PCDH15: variants seen among roughly 807,000 people sequenced by gnomAD.
PCDH15 encodes protocadherin related 15, also known as protocadherin-15.
Under a neutral mutation model 178.5 loss-of-function variants are expected in PCDH15, and 129 were observed. The ratio of observed to expected loss-of-function variants is 0.72; its 90% CI spans 0.63 to 0.84. The LOEUF (loss-of-function observed/expected upper bound fraction) is 0.84, where lower values mean the gene tolerates loss of function less well. PCDH15 is among the 40% of genes least tolerant of loss of function. The probability of loss-of-function intolerance (pLI) is 0.00; values close to 1 mark genes in which losing one functional copy is unlikely to be tolerated. For missense variants in PCDH15, 2,230 were observed against 2,099.9 expected, an observed-to-expected ratio of 1.06 and a Z score of -1.21; for synonymous variants, 800 against 732.0, an observed-to-expected ratio of 1.09 and a Z score of -1.50.
chr10:55,072,487 A>G (rs949024585), intron 2 of PCDH15, among the ~76,000 whole-genome samples: 4 of 152,212 alleles, frequency 2.6e-5, no homozygotes, highest in African/African-American at 9.6e-5. Context: ...CAAATAAACT[A>G]GAAAATCTAG....
chr10:54,762,764 C>G (rs11004555), intron 1 of PCDH15, among the ~76,000 whole-genome samples: 7 of 151,992 alleles, frequency 4.6e-5, no homozygotes, highest in East Asian at 3.9e-4. Flanking sequence ...TTTTAGCTAG[C>G]CTTTTTTAAA....
intron 15 of PCDH15, among the ~76,000 whole-genome samples, chr10:54,101,347 G>A (rs540551446): frequency 6.6e-5 from 10 of 152,024 alleles, no homozygotes; most frequent in Non-Finnish European, 1.5e-4. Context: ...TAATACATTG[G>A]TCAACTATAT....
chr10:54,296,144 C>CAAAAAAAAAAAAAAAAAAAAAAAAAAAAA (rs59721161), intron 8 of PCDH15, among the ~76,000 whole-genome samples: 1 of 48,222 alleles, frequency 2.1e-5, no homozygotes, highest in Non-Finnish European at 3.6e-5. Flanking sequence ...GACTCCGTCT[C>CAAAAAAAAAAAAAAAAAAAAAAAAAAAAA]AAAAAAAAAA....
chr10:55,153,622 C>T (rs1339207473), intron 2 of PCDH15, among the ~76,000 whole-genome samples: 5 of 152,152 alleles, frequency 3.3e-5, no homozygotes, highest in African/African-American at 7.2e-5. Context: ...TAGCCACTGG[C>T]GGCCTTGTGC....
At chr10:54,186,002 C>T (rs752797085) in intron 11 of PCDH15, among the ~76,000 whole-genome samples, 3 of 151,972 alleles carry the variant, frequency 2.0e-5, no homozygotes, top group Non-Finnish European at 4.4e-5. Flanking sequence ...ATTGAAGACC[C>T]TTTGCAATTT....
At position 54,592,658 on chromosome 10, in the gene PCDH15, T is replaced by C. The variant is rs146856466; in HGVS notation, c.92-64781A>G. Among the ~76,000 whole-genome samples, 90 of 152,270 alleles carry C rather than the reference T, an allele frequency of 5.9e-4. 1 individual carries two copies. The Middle Eastern group carries it at 0.01, about 17-fold the overall frequency. ...TTGTATATAAAGCTGAAATGAAAACTAAAGCAAATATCGATTCAAAATTAT... is the reference window on the plus strand; with the variant it reads ...TTGTATATAAAGCTGAAATGAAAACCAAAGCAAATATCGATTCAAAATTAT... On this transcript the variant is annotated intron_variant, in intron 2 of 37. Transcript: ENST00000644397.
chr10:55,288,126 T>C (rs1842918540), intron 1 of PCDH15, among the ~76,000 whole-genome samples: 2 of 151,096 alleles, frequency 1.3e-5, no homozygotes, highest in East Asian at 3.9e-4. Context: ...TCTTCTGTTT[T>C]TCACATTGTA....
chr10:55,494,928 C>A (rs561693440), intron 2 of PCDH15, among the ~76,000 whole-genome samples: 59 of 151,790 alleles, frequency 3.9e-4, no homozygotes, highest in African/African-American at 1.3e-3. Flanking sequence ...TATAGACACA[C>A]AGATTAATGG....
intron 1 of PCDH15, among the ~76,000 whole-genome samples, chr10:54,789,765 C>A (rs1051935662): frequency 4.6e-5 from 7 of 151,966 alleles, no homozygotes; most frequent in African/African-American, 1.7e-4. Context: ...TTTTCTTCCA[C>A]ATAGCTCAGT....
chr10:55,583,274 T>C (rs975981583), intron 2 of PCDH15, among the ~76,000 whole-genome samples: 9 of 152,180 alleles, frequency 5.9e-5, no homozygotes, highest in Admixed American at 2.0e-4. Flanking sequence ...GGCCACAGAT[T>C]AAAGTTTTCA....
chr10:54,158,558 C>G (rs1039203686), intron 13 of PCDH15, among the ~76,000 whole-genome samples: 4 of 152,148 alleles, frequency 2.6e-5, no homozygotes, highest in Non-Finnish European at 4.4e-5. Context: ...CCTAATGTTT[C>G]CTTTTAAATT....
chr10:54,587,833 A>G (rs1307121257), intron 2 of PCDH15, among the ~76,000 whole-genome samples: 1 of 152,210 alleles, frequency 6.6e-6, no homozygotes, highest in Non-Finnish European at 1.5e-5. Context: ...GATGCAAAAA[A>G]TAATAATGTA....
intron 2 of PCDH15, among the ~76,000 whole-genome samples, chr10:54,995,773 G>T (rs1295813084): frequency 1.3e-5 from 2 of 151,568 alleles, no homozygotes; most frequent in Non-Finnish European, 2.9e-5. Context: ...ACAGGTTACT[G>T]CATCTGGACG....
chr10:54,699,041 G>C (rs1281777437), intron 1 of PCDH15, among the ~76,000 whole-genome samples: 1 of 152,082 alleles, frequency 6.6e-6, no homozygotes. Context: ...CTCCTCTTCG[G>C]AAGAGGAAAA....
At chr10:54,866,777 T>TAGAA (rs71014425) in intron 3 of PCDH15, among the ~76,000 whole-genome samples, 51,816 of 151,728 alleles carry the variant, frequency 0.34, 9,274 homozygotes, top group East Asian at 0.65. Flanking sequence ...AATGCAAAGA[T>TAGAA]AGACAGTAGG....
intron 8 of PCDH15, among the ~76,000 whole-genome samples, chr10:54,301,073 G>T (rs1699325806): frequency 3.3e-5 from 5 of 152,018 alleles, no homozygotes; most frequent in Admixed American, 3.3e-4. Context: ...CCGGAAGGAA[G>T]AAACTGCAGA....
intron 2 of PCDH15, among the ~76,000 whole-genome samples, chr10:55,426,063 G>A (rs1341592825): frequency 6.6e-6 from 1 of 152,146 alleles, no homozygotes; most frequent in Non-Finnish European, 1.5e-5. Context: ...TTTTCAAGAA[G>A]TATAACACTA....
chr10:54,122,989 A>G (rs537844873), intron 15 of PCDH15, among the ~76,000 whole-genome samples: 4 of 152,224 alleles, frequency 2.6e-5, no homozygotes, highest in African/African-American at 9.6e-5. Context: ...GAAACTGGAT[A>G]CCTACCTTTT....
intron 1 of PCDH15, among the ~76,000 whole-genome samples, chr10:54,774,241 G>A (rs748733857): frequency 6.6e-6 from 1 of 151,808 alleles, no homozygotes; most frequent in African/African-American, 2.4e-5. Context: ...TGTTAGCCAG[G>A]ATGGTCTCGA....
Sources: allele counts gnomAD v4.1 joint callset (sites outside exome capture counted in the v4.1 genomes callset), GRCh38; gene constraint gnomAD v4.1.1; transcripts MANE v1.5; gene names NCBI Gene and HGNC (gene_info 2026-07-23, HGNC 2026-07-21).